RAD51B: variants seen among roughly 807,000 people sequenced by gnomAD.
The protein encoded by RAD51B is DNA repair protein RAD51 homolog 2.
Under a neutral mutation model 42.2 loss-of-function variants are expected in RAD51B, and 38 were observed. That is an observed-to-expected ratio of 0.90 (90% CI 0.70 to 1.18). The LOEUF (loss-of-function observed/expected upper bound fraction) is 1.18, where lower values mean the gene tolerates loss of function less well. Among genes scored for constraint, RAD51B ranks in the 50% most tolerant of loss-of-function variants. The probability of loss-of-function intolerance (pLI) is 0.00; values close to 1 mark genes in which losing one functional copy is unlikely to be tolerated. For synonymous variants in RAD51B, 154 were observed against 145.2 expected, an observed-to-expected ratio of 1.06 and a Z score of -0.43; for missense variants, 373 against 400.7, an observed-to-expected ratio of 0.93 and a Z score of 0.59.
chr14:68,095,971 C>CA (rs56862052), intron 7 of RAD51B, among the ~76,000 whole-genome samples: 4,585 of 62,108 alleles, frequency 0.074, 395 homozygotes, highest in African/African-American at 0.13. Context: ...GACTCCGTCT[C>CA]AAAAAAAAAA....
intron 7 of RAD51B, among the ~76,000 whole-genome samples, chr14:68,206,179 G>C (rs1293677739): frequency 2.0e-5 from 3 of 152,140 alleles, no homozygotes; most frequent in African/African-American, 7.2e-5. Flanking sequence ...ATTAGAATCA[G>C]GTTATGCCTT....
At chr14:67,942,327 T>TA (rs972672419) in intron 7 of RAD51B, among the ~76,000 whole-genome samples, 3 of 152,224 alleles carry the variant, frequency 2.0e-5, no homozygotes, top group Admixed American at 6.5e-5. Flanking sequence ...CAACTTTCAT[T>TA]AAAAAAATCC....
Position 67,821,357 on chromosome 14 carries a change from T to A in RAD51B, c.-3+1504T>A, listed in dbSNP as rs190704647. On this transcript the variant is annotated intron_variant, in intron 1 of 10. Coordinates refer to ENST00000471583, the MANE Select transcript of RAD51B (RefSeq NM_133510.4). ...ATGAATGGAGTGGCCAGAAACAATA[T>A]GCAATAGTCCAGGCAAGTGATGGGA... 1.4e-4 allele frequency among the ~76,000 whole-genome samples: 22 copies of A among 152,326 alleles called. No individual in the cohort carries two copies. In the East Asian group the frequency reaches 4.0e-3, roughly 28 times the overall value.
At chr14:67,933,564 C>G (rs2044821789) in intron 7 of RAD51B, among the ~76,000 whole-genome samples, 2 of 152,150 alleles carry the variant, frequency 1.3e-5, no homozygotes, top group African/African-American at 4.8e-5. Flanking sequence ...TTGCTGCAGT[C>G]CACAGTGGGG....
At chr14:68,241,301 G>A (rs899325154) in intron 7 of RAD51B, among the ~76,000 whole-genome samples, 2 of 152,146 alleles carry the variant, frequency 1.3e-5, no homozygotes, top group Admixed American at 6.5e-5. Flanking sequence ...CCAGCACTTC[G>A]GGAGGCCTAA....
intron 8 of RAD51B, among the ~76,000 whole-genome samples, chr14:68,378,637 T>C (rs1285736603): frequency 1.3e-5 from 2 of 152,176 alleles, no homozygotes; most frequent in African/African-American, 4.8e-5. Flanking sequence ...TATCATGCTG[T>C]ATTTTAAATT....
At chr14:68,110,335 G>A (rs2140581497) in intron 7 of RAD51B, among the ~76,000 whole-genome samples, 1 of 152,016 alleles carries the variant, frequency 6.6e-6, no homozygotes, top group South Asian at 2.1e-4. Context: ...GAACTGAAAG[G>A]TGTTCATACT....
intron 9 of RAD51B, among the ~76,000 whole-genome samples, chr14:68,434,894 C>T (rs1205051636): frequency 1.3e-5 from 2 of 152,142 alleles, no homozygotes; most frequent in African/African-American, 4.8e-5. Context: ...ACCGCCCCAC[C>T]ACATTTTCTT....
intron 7 of RAD51B, among the ~76,000 whole-genome samples, chr14:68,284,861 C>T (rs1347350584): frequency 6.6e-6 from 1 of 151,972 alleles, no homozygotes; most frequent in Non-Finnish European, 1.5e-5. Context: ...GCTCAAACTC[C>T]GTAACAAATA....
intron 7 of RAD51B, among the ~76,000 whole-genome samples, chr14:68,260,088 T>G (rs1192157328): frequency 2.6e-5 from 4 of 152,008 alleles, no homozygotes; most frequent in African/African-American, 4.8e-5. Flanking sequence ...GTGTGGAGAC[T>G]GGCTGCTATA....
At chr14:67,950,801 CA>C (rs1490175639) in intron 7 of RAD51B, among the ~76,000 whole-genome samples, 12 of 151,594 alleles carry the variant, frequency 7.9e-5, no homozygotes, top group Admixed American at 2.6e-4. Context: ...ATGGTTATTT[CA>C]TTTTTTTTCC....
At chr14:68,223,725 C>T (rs1295782) in intron 7 of RAD51B, among the ~76,000 whole-genome samples, 26,529 of 152,022 alleles carry the variant, frequency 0.17, 2,447 homozygotes, top group Middle Eastern at 0.36. Context: ...CTTATGAAAT[C>T]ATCTTGGCCT....
chr14:68,418,023 G>A (rs1271602977), intron 9 of RAD51B, among the ~76,000 whole-genome samples: 1 of 152,084 alleles, frequency 6.6e-6, no homozygotes. Flanking sequence ...GAGATTTTGA[G>A]CCAAATAAAA....
In RAD51B at chr14:68,315,245, G is replaced by A. The variant is rs537869013; in HGVS notation, c.853+23265G>A. On this transcript the variant is annotated intron_variant, in intron 8 of 10. Transcript: ENST00000471583. ...TTCACATTAGGAGGAGAGACTTGGA[G>A]CAGTTTGGCAGCAGATCTGTAGCGG... is the stretch of plus-strand genomic sequence containing the variant. 1.6e-3 allele frequency among the ~76,000 whole-genome samples: 237 copies of A among 152,332 alleles called. 2 individuals are homozygous for A. Among genetic ancestry groups the A allele is most frequent in the African/African-American group, 5.1e-3 (210 of 41,572 alleles).
At chr14:68,504,394 A>T (rs1427284204) in intron 10 of RAD51B, among the ~76,000 whole-genome samples, 1 of 152,232 alleles carries the variant, frequency 6.6e-6, no homozygotes, top group African/African-American at 2.4e-5. Context: ...TAATTTAGGC[A>T]TGGTTTCCAT....
At chr14:67,919,206 G>T (rs1408409382) in intron 7 of RAD51B, among the ~76,000 whole-genome samples, 1 of 152,152 alleles carries the variant, frequency 6.6e-6, no homozygotes, top group Non-Finnish European at 1.5e-5. Context: ...CTGTAATAAG[G>T]GGTACATGCA....
intron 8 of RAD51B, among the ~76,000 whole-genome samples, chr14:68,318,602 T>A (rs1375418158): frequency 6.6e-6 from 1 of 152,190 alleles, no homozygotes; most frequent in Non-Finnish European, 1.5e-5. Flanking sequence ...TTGCATTTAT[T>A]TGTTTGCATG....
chr14:68,514,647 C>T (rs1566921809), intron 10 of RAD51B, among the ~76,000 whole-genome samples: 2 of 152,056 alleles, frequency 1.3e-5, no homozygotes, highest in Non-Finnish European at 1.5e-5. Flanking sequence ...GTTGCTTAAA[C>T]GTTTATTAAC....
At chr14:68,069,457 G>A (rs1566620815) in intron 7 of RAD51B, 1 of 152,008 alleles carries the variant, frequency 6.6e-6, no homozygotes, top group Non-Finnish European at 1.5e-5. Flanking sequence ...CCTTAAGTAG[G>A]TCCCAGTGTC....
Sources: gnomAD v4.1 joint callset for allele counts (sites outside exome capture counted in the v4.1 genomes callset) on GRCh38, gnomAD v4.1.1 for gene constraint, MANE v1.5 for transcripts, NCBI Gene and HGNC (gene_info 2026-07-23, HGNC 2026-07-21) for gene names.